The following CLXN variants were observed in gnomAD, a reference collection of about 807,000 sequenced individuals.
CLXN encodes the protein calaxin, also known as EF-hand calcium binding domain 1.
the CLXN span, among the ~76,000 whole-genome samples, chr8:48,734,917 C>T: frequency 6.6e-6 from 1 of 152,154 alleles, no homozygotes; most frequent in Non-Finnish European, 1.5e-5. Context: ...ACGCAAGGAG[C>T]TGGCACCCCG....
chr8:48,718,538 G>A, the CLXN span, among the ~76,000 whole-genome samples: 1 of 152,046 alleles, frequency 6.6e-6, no homozygotes, highest in South Asian at 2.1e-4. Flanking sequence ...TACATGTAAG[G>A]TTAGATCACA....
chr8:48,724,626 ATC>A, the CLXN span: 1 of 760,048 alleles, frequency 1.3e-6, no homozygotes, highest in Non-Finnish European at 2.1e-6. Flanking sequence ...AGTGAACCTC[ATC>A]TTCACCCTGA....
chr8:48,727,230 C>CT, the CLXN span, among the ~76,000 whole-genome samples: 305 of 141,812 alleles, frequency 2.2e-3, 1 homozygote, highest in African/African-American at 7.5e-3. Context: ...ATCCATCCAT[C>CT]CATCCATCCA....
the CLXN span, among the ~76,000 whole-genome samples, chr8:48,729,518 G>T: frequency 6.7e-6 from 1 of 149,684 alleles, no homozygotes; most frequent in African/African-American, 2.5e-5. Context: ...GCGAGACCCT[G>T]TCTCAAAAAA....
chr8:48,724,746 A>G, the CLXN span: 11 of 1,609,904 alleles, frequency 6.8e-6, no homozygotes, highest in African/African-American at 1.3e-5. Flanking sequence ...AGTTATTCAC[A>G]TATCATTGAA....
chr8:48,721,222 A>C, the CLXN span, among the ~76,000 whole-genome samples: 1 of 152,200 alleles, frequency 6.6e-6, no homozygotes, highest in Non-Finnish European at 1.5e-5. Context: ...GCAGCAAAAA[A>C]ATAAAAAATA....
the CLXN span, among the ~76,000 whole-genome samples, chr8:48,727,224 ATCCAT>A: frequency 2.4e-3 from 304 of 127,806 alleles, 1 homozygote; most frequent in African/African-American, 8.9e-3. Context: ...TCATCCATCC[ATCCAT>A]CCATCCATCC....
At chr8:48,714,243 C>T in the CLXN span, among the ~76,000 whole-genome samples, 1 of 152,140 alleles carries the variant, frequency 6.6e-6, no homozygotes, top group Non-Finnish European at 1.5e-5. Flanking sequence ...TACTTAGATA[C>T]CCTTACTATG....
chr8:48,713,332 C>G, the CLXN span, among the ~76,000 whole-genome samples: 1 of 152,074 alleles, frequency 6.6e-6, no homozygotes, highest in African/African-American at 2.4e-5. Flanking sequence ...ATGCAATTCC[C>G]AATCCTCCCT....
the CLXN span, chr8:48,734,955 G>T: frequency 2.1e-6 from 2 of 949,452 alleles, no homozygotes; most frequent in Non-Finnish European, 1.6e-6. Context: ...TCTGCTTAAG[G>T]GGCCGGGGTG....
the CLXN span, chr8:48,730,475 T>TTA: frequency 9.1e-7 from 1 of 1,104,054 alleles, no homozygotes; most frequent in Non-Finnish European, 1.3e-6. Flanking sequence ...TGAAAGACAC[T>TTA]GATTTAAGTG....
At chr8:48,727,457 C>T in the CLXN span, among the ~76,000 whole-genome samples, 6 of 152,096 alleles carry the variant, frequency 3.9e-5, no homozygotes, top group African/African-American at 1.4e-4. Context: ...ATGGTCAAGA[C>T]AGGGCTCTGT....
the CLXN span, chr8:48,734,735 T>C: frequency 4.7e-6 from 1 of 214,072 alleles, no homozygotes; most frequent in Non-Finnish European, 9.3e-6. Context: ...CGGTCTACCT[T>C]GGTGGTGCTA....
chr8:48,710,981 C>T, the CLXN span: 1 of 152,130 alleles, frequency 6.6e-6, no homozygotes, highest in South Asian at 2.1e-4. Context: ...AATCACTTTT[C>T]ACTTATATCA....
chr8:48,714,447 C>T, the CLXN span, among the ~76,000 whole-genome samples: 4 of 152,100 alleles, frequency 2.6e-5, no homozygotes, highest in Admixed American at 6.5e-5. Context: ...TCAAGTGCCA[C>T]GATCATCTTA....
the CLXN span, among the ~76,000 whole-genome samples, chr8:48,727,003 CCA>C: frequency 1.0e-4 from 15 of 148,694 alleles, no homozygotes; most frequent in African/African-American, 3.5e-4. Flanking sequence ...ACTCATCCAT[CCA>C]TCCATCCATC....
At chr8:48,731,292 C>CT in the CLXN span, 930 of 1,465,932 alleles carry the variant, frequency 6.3e-4, no homozygotes, top group South Asian at 1.8e-3. Context: ...GCACCAAACC[C>CT]TTTTTTTTTC....
At chr8:48,721,338 T>C in the CLXN span, among the ~76,000 whole-genome samples, 1 of 152,098 alleles carries the variant, frequency 6.6e-6, no homozygotes, top group African/African-American at 2.4e-5. Context: ...GCATCTCATA[T>C]TCATGAATTG....
chr8:48,727,097 CA>C, the CLXN span, among the ~76,000 whole-genome samples: 1 of 149,432 alleles, frequency 6.7e-6, no homozygotes, highest in African/African-American at 2.5e-5. Context: ...TTCATCCATT[CA>C]CCCATTCACC....
Sources: allele counts gnomAD v4.1 joint callset (sites outside exome capture counted in the v4.1 genomes callset), GRCh38; gene constraint gnomAD v4.1.1; transcripts MANE v1.5; gene names NCBI Gene and HGNC (gene_info 2026-07-23, HGNC 2026-07-21).